The following CRLF2 variants were observed in gnomAD, a reference collection of about 807,000 sequenced individuals.
The protein encoded by CRLF2 is cytokine receptor like factor 2.
In CRLF2, 41 loss-of-function variants were observed where a neutral mutation model predicts 38.7. That is an observed-to-expected ratio of 1.06 (90% CI 0.83 to 1.37). The LOEUF is 1.37. Among genes scored for constraint, CRLF2 ranks in the 40% most tolerant of loss-of-function variants. The pLI is 0.00. For synonymous variants in CRLF2, 140 were observed against 128.8 expected (o/e 1.09, Z -0.59); for missense variants, 377 against 322.2 (o/e 1.17, Z -1.30).
intron 3 of CRLF2, among the ~76,000 whole-genome samples, chrX:1,206,092 G>A (rs1239138133): frequency 1.3e-5 from 2 of 152,026 alleles, no homozygotes; most frequent in Non-Finnish European, 2.9e-5. Flanking sequence ...TGAAAAGCGT[G>A]CTGAGCTTGC....
At position 1,208,866 on chromosome X, in the gene CRLF2, G is replaced by T. The variant is rs1420695311; in HGVS notation, c.122C>A (p.Thr41Asn). The change falls in exon 2 of 8, where the codon ACC (threonine) becomes AAC (asparagine). Residue 41 changes from threonine (T) to asparagine (N), a missense_variant. Coordinates refer to ENST00000400841, the MANE Select transcript of CRLF2 (RefSeq NM_022148.4). ...QIQIIYFNLE[T>N]VQVTWNASKY... ...GCTGGCATTCCATGTCACCTGCACG[G>T]TTTCTAAATTGAAGTAGATGATCTG... 3 of 1,612,400 alleles carry T rather than the reference G, an allele frequency of 1.9e-6. No homozygotes were observed. The highest frequency in any genetic ancestry group is 2.2e-5 in the South Asian group (2 of 91,038).
At chrX:1,192,220 AC>A (rs1281629078) in intron 7 of CRLF2, among the ~76,000 whole-genome samples, 97 of 124,824 alleles carry the variant, frequency 7.8e-4, no homozygotes, top group African/African-American at 2.1e-3. Context: ...AAAAAAAAAA[AC>A]AAAAAAAACC....
chrX:1,197,546 T>C (rs1339449488), intron 5 of CRLF2, among the ~76,000 whole-genome samples: 2 of 152,072 alleles, frequency 1.3e-5, no homozygotes, highest in African/African-American at 4.8e-5. Flanking sequence ...CCGGGCGCGG[T>C]GGCTCACGCC....
At chrX:1,205,413 C>G (rs1438925146) in intron 3 of CRLF2, among the ~76,000 whole-genome samples, 1 of 151,984 alleles carries the variant, frequency 6.6e-6, no homozygotes, top group Admixed American at 6.6e-5. Flanking sequence ...CCGCGACTTG[C>G]GAGAGCTTGC....
intron 5 of CRLF2, among the ~76,000 whole-genome samples, chrX:1,198,091 G>A (rs1184578257): frequency 6.6e-6 from 1 of 152,134 alleles, no homozygotes; most frequent in Non-Finnish European, 1.5e-5. Flanking sequence ...CCTGGAGGAT[G>A]ACAGAAGGCT....
chrX:1,198,155 C>T (rs190248457), intron 5 of CRLF2, among the ~76,000 whole-genome samples: 4,763 of 76,558 alleles, frequency 0.062, 40 homozygotes, highest in Non-Finnish European at 0.073. Context: ...CCTCCCACCT[C>T]GAAGGCAGGA....
chrX:1,209,542 A>C (rs1461712302), intron 1 of CRLF2, among the ~76,000 whole-genome samples: 8 of 151,416 alleles, frequency 5.3e-5, no homozygotes, highest in African/African-American at 9.7e-5. Context: ...TGTGTTAGCC[A>C]GGATGGTCTC....
At chrX:1,199,646 A>G (rs2086564667) in intron 4 of CRLF2, among the ~76,000 whole-genome samples, 1 of 152,090 alleles carries the variant, frequency 6.6e-6, no homozygotes, top group South Asian at 2.1e-4. Flanking sequence ...AAAGATACAG[A>G]TGAATGTTCT....
At chrX:1,197,974 C>T (rs2086520514) in intron 5 of CRLF2, among the ~76,000 whole-genome samples, 1 of 152,046 alleles carries the variant, frequency 6.6e-6, no homozygotes, top group South Asian at 2.1e-4. Context: ...TGCACTCCAG[C>T]CTGGGCACCA....
chrX:1,207,103 C>A (rs1464255092), intron 2 of CRLF2, among the ~76,000 whole-genome samples: 1 of 149,350 alleles, frequency 6.7e-6, no homozygotes, highest in East Asian at 2.0e-4. Context: ...GCACCACCAC[C>A]CCCAGCTAAT....
intron 7 of CRLF2, among the ~76,000 whole-genome samples, 186 bp from the exon 8 acceptor site, chrX:1,191,346 C>T (rs1350015885): frequency 0.15 from 6,503 of 43,588 alleles, 373 homozygotes; most frequent in African/African-American, 0.21. Flanking sequence ...TCTTTCTTTC[C>T]TTCTTTCTTT....
rs1485676901 is a variant in CRLF2, at chrX:1,191,079, G to C, written c.934C>G (p.Leu312Val). The C allele has an allele frequency of 2.8e-4, 111 of 398,460 alleles. 1 individual carries two copies. Among genetic ancestry groups the C allele is most frequent in the Admixed American group, 8.8e-5 (2 of 22,676 alleles). The allele number at this position is 398,460 out of a possible 1,614,324, so 24.7% of individuals were successfully genotyped here. A position where few individuals can be genotyped will look rare whatever the true frequency, so the allele number is the denominator to read the frequency against. The change falls in exon 8 of 8, where the codon CTG becomes GTG. Residue 312 changes from leucine (L) to valine (V), a missense_variant. Transcript: ENST00000400841. The stretch of plus-strand genomic sequence containing the variant: ...TCAGTCTTGGCCAACTGGACTACCA[G>C]GGGCTCCTCGGGGCCACTTTCTTGC... ...AEQESGPEEP[L>V]VVQLAKTEAE...
intron 1 of CRLF2, among the ~76,000 whole-genome samples, chrX:1,209,343 A>AG (rs1201751451): frequency 1.1e-4 from 16 of 139,408 alleles, no homozygotes; most frequent in South Asian, 4.6e-4. Context: ...AGTGTAGTGT[A>AG]TTGTGTGAGA....
chrX:1,212,418 G>GAAAAAAAAA (rs369256719), intron 1 of CRLF2, 138 bp downstream of exon 1: 224 of 429,686 alleles, frequency 5.2e-4, no homozygotes, highest in East Asian at 1.6e-3. Context: ...CTTGAACCCG[G>GAAAAAAAAA]AAAAAAAAAA....
intron 6 of CRLF2, among the ~76,000 whole-genome samples, chrX:1,194,503 G>C (rs1293264223): frequency 5.9e-5 from 9 of 152,188 alleles, no homozygotes; most frequent in Non-Finnish European, 1.0e-4. Flanking sequence ...GTGACGGACA[G>C]TGAGCCACGT....
intron 3 of CRLF2, among the ~76,000 whole-genome samples, chrX:1,206,146 G>C (rs1455004205): frequency 1.3e-5 from 2 of 152,044 alleles, no homozygotes; most frequent in Non-Finnish European, 2.9e-5. Context: ...ATTTACGTGA[G>C]CTTTTCAGTA....
At chrX:1,210,985 GTGGATGGA>G (rs1310542585) in intron 1 of CRLF2, among the ~76,000 whole-genome samples, 1 of 151,160 alleles carries the variant, frequency 6.6e-6, no homozygotes, top group Admixed American at 6.6e-5. Flanking sequence ...ACATGGATGG[GTGGATGGA>G]TGGATGGATG....
chrX:1,194,824 G>C (rs1319244668), intron 6 of CRLF2, among the ~76,000 whole-genome samples: 1 of 152,016 alleles, frequency 6.6e-6, no homozygotes, highest in African/African-American at 2.4e-5. Flanking sequence ...CTGAGGTCAG[G>C]AGTTCGAGAC....
intron 6 of CRLF2, among the ~76,000 whole-genome samples, chrX:1,195,437 G>A (rs2086457963): frequency 6.6e-6 from 1 of 151,800 alleles, no homozygotes; most frequent in Non-Finnish European, 1.5e-5. Context: ...AGACAGGATC[G>A]TGCTCTGTCA....
Sources: gnomAD v4.1 joint callset for allele counts (sites outside exome capture counted in the v4.1 genomes callset) on GRCh38, gnomAD v4.1.1 for gene constraint, MANE v1.5 for transcripts, NCBI Gene and HGNC (gene_info 2026-07-23, HGNC 2026-07-21) for gene names.